Variants in NKAIN3 observed in about 807,000 individuals in gnomAD.
NKAIN3 encodes sodium/potassium-transporting ATPase subunit beta-1-interacting protein 3.
A neutral mutation model predicts 30.2 loss-of-function variants in NKAIN3; 25 were observed. The ratio of observed to expected loss-of-function variants is 0.83; its 90% CI spans 0.60 to 1.16. The LOEUF (loss-of-function observed/expected upper bound fraction) is 1.16. Among genes scored for constraint, NKAIN3 ranks in the 50% most tolerant of loss-of-function variants. The pLI is 0.00. For missense variants in NKAIN3, 225 were observed against 254.1 expected, an observed-to-expected ratio of 0.89 and a Z score of 0.78; for synonymous variants, 91 against 89.6, an observed-to-expected ratio of 1.02 and a Z score of -0.09.
At chr8:62,946,040 G>T (rs2130888616) in intron 5 of NKAIN3, among the ~76,000 whole-genome samples, 1 of 152,248 alleles carries the variant, frequency 6.6e-6, no homozygotes. Flanking sequence ...GTTGGAACTG[G>T]CTTAACATTG....
At chr8:62,787,229 G>A (rs936637494) in intron 4 of NKAIN3, among the ~76,000 whole-genome samples, 1 of 152,088 alleles carries the variant, frequency 6.6e-6, no homozygotes, top group Non-Finnish European at 1.5e-5. Flanking sequence ...TATGCTGTAT[G>A]TGTCAAGTAA....
Position 62,649,092 on chromosome 8 carries a change from T to C in NKAIN3, c.273+59298T>C, listed in dbSNP as rs975249542. Among the ~76,000 whole-genome samples the C allele has an allele frequency of 1.3e-5, 2 of 152,124 alleles. 1 individual carries two copies. The highest frequency in any genetic ancestry group is 1.3e-4 in the Admixed American group (2 of 15,270). ...AGAAGCCTGAGAATGATTGGTAAGA[T>C]AAGTGGGAGAAAACAAATAATGCCA... On this transcript the variant is annotated intron_variant, in intron 3 of 6. Transcript: ENST00000623646.
intron 3 of NKAIN3, among the ~76,000 whole-genome samples, chr8:62,635,541 A>C (rs1260370675): frequency 2.0e-5 from 3 of 152,100 alleles, no homozygotes; most frequent in Non-Finnish European, 4.4e-5. Context: ...CCCCAAAATT[A>C]GTATGTTGAC....
At chr8:62,295,315 T>G (rs1375003088) in intron 1 of NKAIN3, among the ~76,000 whole-genome samples, 2 of 152,164 alleles carry the variant, frequency 1.3e-5, no homozygotes, top group African/African-American at 2.4e-5. Context: ...CTCTAATTTT[T>G]GTAAGGTTTC....
intron 1 of NKAIN3, among the ~76,000 whole-genome samples, chr8:62,312,767 A>G (rs1279845016): frequency 1.3e-5 from 2 of 151,888 alleles, no homozygotes; most frequent in African/African-American, 4.8e-5. Flanking sequence ...CTAGTGAGCC[A>G]TAATCATGCC....
intron 1 of NKAIN3, among the ~76,000 whole-genome samples, chr8:62,488,147 T>G (rs1359750105): frequency 6.6e-6 from 1 of 152,222 alleles, no homozygotes; most frequent in Non-Finnish European, 1.5e-5. Context: ...CTGCAATAAA[T>G]TTGGCTATAA....
At chr8:62,761,547 A>T (rs986700288) in intron 4 of NKAIN3, among the ~76,000 whole-genome samples, 1 of 152,238 alleles carries the variant, frequency 6.6e-6, no homozygotes, top group South Asian at 2.1e-4. Context: ...TATCTTGGTC[A>T]GATGAATGGA....
At chr8:62,404,594 C>A (rs989163157) in intron 1 of NKAIN3, among the ~76,000 whole-genome samples, 1 of 152,124 alleles carries the variant, frequency 6.6e-6, no homozygotes, top group African/African-American at 2.4e-5. Context: ...GGAAAGGACA[C>A]GTTTGCTTCT....
At chr8:62,622,749 T>C (rs867004428) in intron 3 of NKAIN3, among the ~76,000 whole-genome samples, 1 of 152,034 alleles carries the variant, frequency 6.6e-6, no homozygotes, top group Non-Finnish European at 1.5e-5. Flanking sequence ...TAACAGGGCC[T>C]GTCACAGAGA....
chr8:62,804,519 C>G (rs1448503729), intron 4 of NKAIN3, among the ~76,000 whole-genome samples: 1 of 152,104 alleles, frequency 6.6e-6, no homozygotes, highest in Non-Finnish European at 1.5e-5. Flanking sequence ...TAAATGTAAT[C>G]CAGCATATAA....
intron 3 of NKAIN3, among the ~76,000 whole-genome samples, chr8:62,605,241 T>C: frequency 6.6e-6 from 1 of 152,238 alleles, no homozygotes; most frequent in East Asian, 1.9e-4. Flanking sequence ...TTGGAGGTTC[T>C]AATGTGACCT....
chr8:62,768,091 A>G (rs1389045162), intron 4 of NKAIN3, among the ~76,000 whole-genome samples: 2 of 152,084 alleles, frequency 1.3e-5, no homozygotes, highest in Non-Finnish European at 2.9e-5. Flanking sequence ...TTGAAAATGC[A>G]GCTAATTAAC....
intron 1 of NKAIN3, among the ~76,000 whole-genome samples, chr8:62,423,703 C>T (rs1804717699): frequency 6.6e-6 from 1 of 151,898 alleles, no homozygotes; most frequent in Admixed American, 6.6e-5. Flanking sequence ...TCTCAATTCT[C>T]CTGAATCTAC....
rs541108721 is a variant in NKAIN3 at position 62,645,088 on chromosome 8, G to T, written c.273+55294G>T. 1.6e-4 allele frequency among the ~76,000 whole-genome samples: 24 copies of T among 152,192 alleles called. No homozygotes were observed. The South Asian group carries it at 3.1e-3, about 20-fold the overall frequency. On this transcript the variant is annotated intron_variant, in intron 3 of 6. Transcript: ENST00000623646. ...AGTCAAATCGCAGTGGTCTCTTGAT[G>T]ATCTGATTCCAGCGCTAATTCAGAG...
intron 2 of NKAIN3, 61 bp downstream of exon 2, chr8:62,579,737 A>C (rs1479664462): frequency 9.9e-7 from 1 of 1,007,352 alleles, no homozygotes; most frequent in East Asian, 3.2e-5. Flanking sequence ...ATAAGAATAT[A>C]AATAAAATAT....
chr8:62,900,475 G>C (rs1469847992), intron 4 of NKAIN3, among the ~76,000 whole-genome samples: 2 of 152,180 alleles, frequency 1.3e-5, no homozygotes, highest in Non-Finnish European at 2.9e-5. Context: ...TAAGCAGAGA[G>C]GTTAACATCA....
Position 62,253,810 on chromosome 8 carries a change from T to G in NKAIN3, c.54+4683T>G, listed in dbSNP as rs1192883541. On this transcript the variant is annotated intron_variant, in intron 1 of 6. Coordinates refer to ENST00000623646, the MANE Select transcript of NKAIN3 (RefSeq NM_001304533.3). ...GTTTTTAACTAAGCTCTATGAAAGG[T>G]GCAGCTCACCTGTCGTAGATATTGG... Among the ~76,000 whole-genome samples the G allele has an allele frequency of 1.2e-4, 18 of 152,202 alleles. 1 individual carries two copies. The highest frequency in any genetic ancestry group is 1.0e-3 in the Admixed American group (16 of 15,286).
At chr8:62,772,723 C>T (rs10094984) in intron 4 of NKAIN3, among the ~76,000 whole-genome samples, 7 of 149,916 alleles carry the variant, frequency 4.7e-5, no homozygotes, top group Admixed American at 1.3e-4. Context: ...TGCAGTGGCA[C>T]GATCTCAGCT....
chr8:62,789,083 G>A (rs1817618829), intron 4 of NKAIN3, among the ~76,000 whole-genome samples: 1 of 152,034 alleles, frequency 6.6e-6, no homozygotes, highest in East Asian at 1.9e-4. Context: ...GTCATTGGTA[G>A]CTTGATGGGG....
Sources: allele counts gnomAD v4.1 joint callset (sites outside exome capture counted in the v4.1 genomes callset), GRCh38; gene constraint gnomAD v4.1.1; transcripts MANE v1.5; gene names NCBI Gene and HGNC (gene_info 2026-07-23, HGNC 2026-07-21).